The following PIK3C2G variants were observed in gnomAD, a reference collection of about 807,000 sequenced individuals.
PIK3C2G encodes the protein phosphatidylinositol 3-kinase C2 domain-containing subunit gamma.
In PIK3C2G, 168 loss-of-function variants were observed where a neutral mutation model predicts 181.1. The ratio of observed to expected loss-of-function variants is 0.93; its 90% CI spans 0.82 to 1.05. PIK3C2G has a LOEUF of 1.05. Ranked by LOEUF, PIK3C2G falls within the 50% of genes least tolerant of loss-of-function variation. The probability of loss-of-function intolerance (pLI) is 0.00; values close to 1 mark genes in which losing one functional copy is unlikely to be tolerated. For synonymous variants in PIK3C2G, 573 were observed against 592.2 expected, an observed-to-expected ratio of 0.97 and a Z score of 0.47; for missense variants, 1,869 against 1,732.8, an observed-to-expected ratio of 1.08 and a Z score of -1.40.
intron 32 of PIK3C2G, among the ~76,000 whole-genome samples, chr12:18,644,823 T>A (rs1950032784): frequency 6.6e-6 from 1 of 152,182 alleles, no homozygotes; most frequent in Non-Finnish European, 1.5e-5. Context: ...TTTTGAACTC[T>A]TTCTTTCATT....
At chr12:18,489,430 T>G (rs997276169) in intron 19 of PIK3C2G, among the ~76,000 whole-genome samples, 1 of 152,070 alleles carries the variant, frequency 6.6e-6, no homozygotes, top group Non-Finnish European at 1.5e-5. Flanking sequence ...TTCAACAAAA[T>G]GATATAAAAA....
chr12:18,282,531 T>C lies in PIK3C2G; in HGVS notation c.450T>C (p.Ser150=), dbSNP rs879346251. Residue 150 remains serine (S), a synonymous_variant, in exon 2 of 33, where the codon AGT becomes AGC. Coordinates refer to ENST00000538779, the MANE Select transcript of PIK3C2G (RefSeq NM_001288772.2). ...GTATTTTAGCTCCATCATTCACAAGTTTGGATAAAATTAATCTAGAGAAAG... is the reference window on the plus strand; with the variant it reads ...GTATTTTAGCTCCATCATTCACAAGCTTGGATAAAATTAATCTAGAGAAAG... The part of the protein sequence containing the change: ...RFSILAPSFT[S]LDKINLEKEL... 4.3e-6 allele frequency: 7 copies of C among 1,611,600 alleles called. No individual in the cohort carries two copies. The highest frequency in any genetic ancestry group is 1.3e-5 in the African/African-American group (1 of 74,808).
At chr12:18,654,930 A>G in the PIK3C2G span, among the ~76,000 whole-genome samples, 1 of 152,066 alleles carries the variant, frequency 6.6e-6, no homozygotes, top group Non-Finnish European at 1.5e-5. Flanking sequence ...GAAAAAAGAC[A>G]CTTAGTTCTG....
the PIK3C2G span, among the ~76,000 whole-genome samples, chr12:18,699,166 G>A: frequency 9.2e-5 from 14 of 152,286 alleles, no homozygotes; most frequent in Admixed American, 5.9e-4. Flanking sequence ...GTGCAGTGGG[G>A]CATGCACACT....
chr12:18,332,016 A>G (rs1200410737), intron 8 of PIK3C2G, among the ~76,000 whole-genome samples: 1 of 152,162 alleles, frequency 6.6e-6, no homozygotes, highest in Non-Finnish European at 1.5e-5. Context: ...TCTGTTTCAT[A>G]TATTTCTAAC....
chr12:18,559,821 TAGAGAGAGAGAGAGAG>T (rs1171468138), intron 26 of PIK3C2G, among the ~76,000 whole-genome samples: 46 of 18,348 alleles, frequency 2.5e-3, no homozygotes, highest in Non-Finnish European at 3.4e-3. Flanking sequence ...TATATATATA[TAGAGAGAGAGAGAGAG>T]AGAGAGAGAG....
chr12:18,284,337 G>A (rs974944223), intron 2 of PIK3C2G, among the ~76,000 whole-genome samples: 1 of 151,968 alleles, frequency 6.6e-6, no homozygotes, highest in Non-Finnish European at 1.5e-5. Context: ...AACCAAAATA[G>A]ATGTGGCCTA....
At chr12:18,257,808 AAAG>A (rs1352625189), upstream of PIK3C2G, among the ~76,000 whole-genome samples, 4 of 148,508 alleles carry the variant, frequency 2.7e-5, no homozygotes, top group South Asian at 2.1e-4. Flanking sequence ...GAAAAGAAAG[AAAG>A]AAGGAGAAAG....
chr12:18,601,459 G>A (rs927509218), intron 30 of PIK3C2G, among the ~76,000 whole-genome samples: 6 of 151,956 alleles, frequency 3.9e-5, no homozygotes, highest in African/African-American at 1.5e-4. Flanking sequence ...GATACTAGAG[G>A]GTGAGAAAGG....
At chr12:18,586,816 A>G (rs1483936660) in intron 29 of PIK3C2G, among the ~76,000 whole-genome samples, 2 of 152,112 alleles carry the variant, frequency 1.3e-5, no homozygotes, top group East Asian at 1.9e-4. Context: ...TCAACTAAAT[A>G]TTTGCAAACC....
intron 11 of PIK3C2G, among the ~76,000 whole-genome samples, chr12:18,359,339 T>C (rs973797349): frequency 6.6e-6 from 1 of 152,228 alleles, no homozygotes; most frequent in African/African-American, 2.4e-5. Flanking sequence ...TTGAGATTTG[T>C]TTTGTGACCT....
At chr12:18,407,307 TTAA>T (rs1355933109) in intron 16 of PIK3C2G, among the ~76,000 whole-genome samples, 4 of 152,156 alleles carry the variant, frequency 2.6e-5, no homozygotes, top group African/African-American at 9.7e-5. Flanking sequence ...AGTTAGCATC[TTAA>T]TAATATTTTA....
chr12:18,650,003 A>G (rs1397103467), downstream of PIK3C2G, among the ~76,000 whole-genome samples: 1 of 151,838 alleles, frequency 6.6e-6, no homozygotes, highest in African/African-American at 2.4e-5. Context: ...TAATGATCTC[A>G]TCTCTCAAGG....
At chr12:18,616,858 T>C (rs1358553787) in intron 31 of PIK3C2G, among the ~76,000 whole-genome samples, 1 of 152,162 alleles carries the variant, frequency 6.6e-6, no homozygotes, top group South Asian at 2.1e-4. Flanking sequence ...TCATTAGAAC[T>C]ATATTTTGAA....
At chr12:18,322,285 G>A (rs1951147177) in intron 7 of PIK3C2G, among the ~76,000 whole-genome samples, 1 of 151,744 alleles carries the variant, frequency 6.6e-6, no homozygotes, top group East Asian at 1.9e-4. Flanking sequence ...GGGAGGCTGA[G>A]GCAGGAGAAT....
At chr12:18,704,118 G>A in the PIK3C2G span, among the ~76,000 whole-genome samples, 3 of 152,140 alleles carry the variant, frequency 2.0e-5, no homozygotes, top group Non-Finnish European at 4.4e-5. Flanking sequence ...AGTAATTCAG[G>A]GAAAGGAAGT....
At chr12:18,264,648 G>A (rs1229501221) in intron 1 of PIK3C2G, among the ~76,000 whole-genome samples, 2 of 151,866 alleles carry the variant, frequency 1.3e-5, no homozygotes, top group Non-Finnish European at 2.9e-5. Context: ...CTTTGAATAG[G>A]AGTAATTTTT....
At chr12:18,684,390 T>G in the PIK3C2G span, 194 of 1,025,420 alleles carry the variant, frequency 1.9e-4, no homozygotes, top group Non-Finnish European at 2.6e-4. Flanking sequence ...CAATAATATC[T>G]TGTGTTTAGA....
intron 15 of PIK3C2G, among the ~76,000 whole-genome samples, chr12:18,398,689 T>C (rs571006005): frequency 6.6e-6 from 1 of 152,282 alleles, no homozygotes; most frequent in East Asian, 1.9e-4. Flanking sequence ...TAGATTTAGA[T>C]CTTTTATTTC....
Sources: allele counts gnomAD v4.1 joint callset (sites outside exome capture counted in the v4.1 genomes callset), GRCh38; gene constraint gnomAD v4.1.1; transcripts MANE v1.5; gene names NCBI Gene and HGNC (gene_info 2026-07-23, HGNC 2026-07-21).